The following FKBP5 variants were observed in gnomAD, a reference collection of about 807,000 sequenced individuals.
The protein encoded by FKBP5 is FKBP prolyl isomerase 5.
Under a neutral mutation model 50.5 loss-of-function variants are expected in FKBP5, and 23 were observed. The ratio of observed to expected loss-of-function variants is 0.46; its 90% confidence interval spans 0.33 to 0.65. FKBP5 has a LOEUF of 0.65. Among genes scored for constraint, FKBP5 ranks in the 30% least tolerant of loss-of-function variants. FKBP5 has a pLI of 0.02. For missense variants in FKBP5, 411 were observed against 553.1 expected (o/e 0.74, Z 2.58); for synonymous variants, 176 against 190.6 (o/e 0.92, Z 0.63).
chr6:35,650,504 TGCTCTGTTGCCCAGGCTGG>T (rs1333263322), intron 1 of FKBP5, among the ~76,000 whole-genome samples: 1 of 151,894 alleles, frequency 6.6e-6, no homozygotes, highest in Admixed American at 6.6e-5. Context: ...GACAGACTCT[TGCTCTGTTGCCCAGGCTGG>T]AGTGCAGTGG....
rs1304925990 is a variant in FKBP5 at position 35,573,834 on chromosome 6, A to C, written c.*2001T>G. 6.6e-6 allele frequency: 1 copy of C among 152,132 alleles called. No homozygotes were observed. Among genetic ancestry groups the C allele is most frequent in the Non-Finnish European group, 1.5e-5 (1 of 68,020 alleles). 9.4% of individuals were successfully genotyped at this position (152,132 alleles called of 1,614,324 possible). A position where few individuals can be genotyped will look rare whatever the true frequency, so the allele number is the denominator to read the frequency against. On this transcript the variant is annotated 3_prime_UTR_variant, in exon 11 of 11. Transcript: ENST00000357266. Reference sequence around the variant, plus strand: ...GGCACCCTGTAGTTATTTGCTCAGAACCACTCACACACCCTTCCCCTCCCC... The same window carrying C: ...GGCACCCTGTAGTTATTTGCTCAGACCCACTCACACACCCTTCCCCTCCCC...
At chr6:35,638,481 C>T (rs1202864457) in intron 2 of FKBP5, among the ~76,000 whole-genome samples, 1 of 152,122 alleles carries the variant, frequency 6.6e-6, no homozygotes, top group Non-Finnish European at 1.5e-5. Context: ...TGCGGTGGTA[C>T]AATCATAGCT....
rs1028111924 is a variant in FKBP5, at chr6:35,581,577, G to A, written c.841-1356C>T. 5.0e-5 allele frequency: 49 copies of A among 972,124 alleles called. No homozygotes were observed. In the African/African-American group the frequency reaches 8.6e-4, roughly 17 times the overall value. 60.2% of individuals were successfully genotyped at this position (972,124 alleles called of 1,614,324 possible). The stretch of plus-strand genomic sequence containing the variant: ...TGCACTCCAGCCTGGGTGACAGAGC[G>A]AGACTCCTCAAAAACAAAACAAAAC... On this transcript the variant is annotated intron_variant, in intron 8 of 10. Transcript: ENST00000357266.
chr6:35,644,771 A>C (rs180699582), intron 1 of FKBP5, among the ~76,000 whole-genome samples: 1 of 152,324 alleles, frequency 6.6e-6, no homozygotes, highest in Admixed American at 6.5e-5. Flanking sequence ...TCTGTGATGC[A>C]CAGAAACTTG....
chr6:35,647,980 A>C (rs1764676781), intron 1 of FKBP5, among the ~76,000 whole-genome samples: 1 of 152,110 alleles, frequency 6.6e-6, no homozygotes, highest in East Asian at 1.9e-4. Context: ...TAGACTTCGG[A>C]CATTTTGGTA....
chr6:35,632,344 T>G (rs1279843813), intron 3 of FKBP5, among the ~76,000 whole-genome samples: 2 of 152,120 alleles, frequency 1.3e-5, no homozygotes, highest in Non-Finnish European at 2.9e-5. Flanking sequence ...AGTCAACAGA[T>G]GAAGTCAGGA....
In FKBP5 at chr6:35,619,078, T is replaced by TCTTACTTTAATA; in HGVS notation, c.508+6_508+17dup. On this transcript the variant is annotated intron_variant, in intron 5 of 10. Transcript: ENST00000357266. ...GCCCAACTTTTAAGGACTAGTTCCCTCTTACTTTAATACTTACTTTCTACT... is the reference window on the plus strand; with the variant it reads ...GCCCAACTTTTAAGGACTAGTTCCCTCTTACTTTAATACTTACTTTAATACTTACTTTCTACT... The TCTTACTTTAATA allele has an allele frequency of 6.5e-7, 1 of 1,549,680 alleles. No homozygotes were observed. The highest frequency in any genetic ancestry group is 1.4e-5 in the African/African-American group (1 of 73,602).
intron 2 of FKBP5, among the ~76,000 whole-genome samples, chr6:35,641,949 T>C (rs1467253351): frequency 6.6e-6 from 1 of 151,534 alleles, no homozygotes; most frequent in African/African-American, 2.4e-5. Context: ...GCTGAGATCA[T>C]ACCACTGCAC....
chr6:35,652,505 C>T (rs1228637924), intron 1 of FKBP5, among the ~76,000 whole-genome samples: 1 of 152,164 alleles, frequency 6.6e-6, no homozygotes, highest in Non-Finnish European at 1.5e-5. Flanking sequence ...CGGGGCATAC[C>T]TGTCTCTTAT....
chr6:35,699,389 G>C (rs1309190711), intron 2 of FKBP5, among the ~76,000 whole-genome samples: 1 of 152,200 alleles, frequency 6.6e-6, no homozygotes, highest in Non-Finnish European at 1.5e-5. Context: ...TTACAGCCCA[G>C]TCCAGGTTCA....
intron 8 of FKBP5, chr6:35,585,770 C>A (rs962772691): frequency 1.0e-6 from 1 of 985,104 alleles, no homozygotes; most frequent in South Asian, 4.7e-5. Flanking sequence ...CAAAACTGAT[C>A]CTTATAACAT....
At chr6:35,594,727 C>T (rs186830756) in intron 6 of FKBP5, among the ~76,000 whole-genome samples, 18 of 152,248 alleles carry the variant, frequency 1.2e-4, no homozygotes, top group Admixed American at 7.8e-4. Flanking sequence ...TGTAGTACTA[C>T]GCAATGCATA....
chr6:35,723,504 G>A (rs964381771), intron 1 of FKBP5, among the ~76,000 whole-genome samples: 2 of 152,054 alleles, frequency 1.3e-5, no homozygotes, highest in African/African-American at 4.8e-5. Context: ...AAGGCAGAAG[G>A]GATCTTGGGA....
At chr6:35,598,742 G>A (rs1160190083) in intron 5 of FKBP5, among the ~76,000 whole-genome samples, 8 of 151,902 alleles carry the variant, frequency 5.3e-5, no homozygotes, top group African/African-American at 1.7e-4. Context: ...AGGCCGAGGC[G>A]GGTGGATCAC....
chr6:35,712,606 C>T (rs1304685518), intron 2 of FKBP5, among the ~76,000 whole-genome samples: 1 of 152,148 alleles, frequency 6.6e-6, no homozygotes, highest in Non-Finnish European at 1.5e-5. Flanking sequence ...GATTTGTCTA[C>T]CATCCTGTCC....
rs1279352105 is a variant in FKBP5 at position 35,582,241 on chromosome 6, A to G, written c.841-2020T>C. 9.1e-6 allele frequency: 9 copies of G among 985,320 alleles called. No homozygotes were observed. The Admixed American group carries it at 4.9e-4, about 54-fold the overall frequency. 61.0% of individuals were successfully genotyped at this position (985,320 alleles called of 1,614,324 possible). A position where few individuals can be genotyped will look rare whatever the true frequency, so the allele number is the denominator to read the frequency against. On this transcript the variant is annotated intron_variant, in intron 8 of 10. Coordinates refer to ENST00000357266, the MANE Select transcript of FKBP5 (RefSeq NM_004117.4). ...GTGTGTGATACAGGTCATTCATAAG[A>G]ACACGAAACCAGGGCATTTTATTTT... is the stretch of plus-strand genomic sequence containing the variant.
intron 1 of FKBP5, among the ~76,000 whole-genome samples, chr6:35,648,817 C>T (rs544758174): frequency 7.9e-5 from 12 of 152,118 alleles, no homozygotes; most frequent in African/African-American, 2.4e-4. Flanking sequence ...GGCATGGTGG[C>T]GGGCACCTGT....
chr6:35,675,185 A>G (rs578140395), intron 1 of FKBP5, among the ~76,000 whole-genome samples: 1 of 152,370 alleles, frequency 6.6e-6, no homozygotes, highest in South Asian at 2.1e-4. Context: ...AGACTTACAG[A>G]AAATAAGTAT....
chr6:35,575,658 A>G lies in FKBP5; in HGVS notation c.*177T>C. On this transcript the variant is annotated 3_prime_UTR_variant, in exon 11 of 11. Coordinates refer to ENST00000357266, the MANE Select transcript of FKBP5 (RefSeq NM_004117.4). Reference sequence around the variant, plus strand: ...GTGGTCCCGTGCCACCCCTCAGTGAACCCTCCGGGCAGCAGCAGGGGGGCT... The same window carrying G: ...GTGGTCCCGTGCCACCCCTCAGTGAGCCCTCCGGGCAGCAGCAGGGGGGCT... 3.3e-6 allele frequency: 2 copies of G among 597,044 alleles called. No individual in the cohort carries two copies. Among genetic ancestry groups the G allele is most frequent in the South Asian group, 2.0e-5 (1 of 50,926 alleles). The allele number at this position is 597,044 out of a possible 1,614,324, so 37.0% of individuals were successfully genotyped here.
Sources: allele counts gnomAD v4.1 joint callset (sites outside exome capture counted in the v4.1 genomes callset), GRCh38; gene constraint gnomAD v4.1.1; transcripts MANE v1.5; gene names NCBI Gene and HGNC (gene_info 2026-07-23, HGNC 2026-07-21).